CACNA1A: variants seen among roughly 807,000 people sequenced by gnomAD.
CACNA1A encodes voltage-dependent P/Q-type calcium channel subunit alpha-1A.
CACNA1A carries 57 observed loss-of-function variants against 262.4 expected under a neutral mutation model. The ratio of observed to expected loss-of-function variants is 0.22; its 90% CI spans 0.18 to 0.27. The LOEUF (loss-of-function observed/expected upper bound fraction) is 0.27, where lower values mean the gene tolerates loss of function less well. Among genes scored for constraint, CACNA1A ranks in the 10% least tolerant of loss-of-function variants. CACNA1A has a pLI of 1.00. For synonymous variants in CACNA1A, 1,431 were observed against 1,419.3 expected (o/e 1.01, Z -0.18); for missense variants, 2,526 against 3,562.8 (o/e 0.71, Z 7.41).
rs369927027 is a variant in CACNA1A, at chr19:13,286,846, G to A, written c.3210C>T (p.Asn1070=). The A allele has an allele frequency of 4.3e-5, 69 of 1,613,658 alleles. No homozygotes were observed. The highest frequency in any genetic ancestry group is 5.4e-5 in the Non-Finnish European group (64 of 1,179,878). The change falls in exon 20 of 47, where the codon AAC becomes AAT. Residue 1070 remains asparagine (N), a synonymous_variant. Transcript: ENST00000360228. ...CCGACTCCGCGGTGGCCAGCTTGTT[G>A]TTCTTCATGTTGTCAATATCCTCTG... is the stretch of plus-strand genomic sequence containing the variant. ...PLAEDIDNMK[N]NKLATAESAA...
rs867369031 is a variant in CACNA1A, at chr19:13,397,988, A to T, written c.540-26209T>A. Among the ~76,000 whole-genome samples, 5 of 151,910 alleles carry T rather than the reference A, an allele frequency of 3.3e-5. No homozygotes were observed. In the South Asian group the frequency reaches 8.3e-4, roughly 25 times the overall value. ...GAATACATTTTTTTTTTGGCCAGGCACGGTGGCTCACGGCTGTAATCCCAG... is the reference window on the plus strand; with the variant it reads ...GAATACATTTTTTTTTTGGCCAGGCTCGGTGGCTCACGGCTGTAATCCCAG... On this transcript the variant is annotated intron_variant, in intron 3 of 46. Transcript: ENST00000360228.
At chr19:13,454,284 T>C (rs2060965904) in intron 2 of CACNA1A, among the ~76,000 whole-genome samples, 1 of 151,542 alleles carries the variant, frequency 6.6e-6, no homozygotes, top group Non-Finnish European at 1.5e-5. Flanking sequence ...TGAAGCTACC[T>C]AGAAGCTGCC....
chr19:13,466,058 G>A (rs887659691), intron 1 of CACNA1A, among the ~76,000 whole-genome samples: 11 of 152,080 alleles, frequency 7.2e-5, no homozygotes, highest in Non-Finnish European at 1.2e-4. Flanking sequence ...TCTCCTTTAG[G>A]GGTGGTGAAA....
chr19:13,419,084 G>A (rs2144775911), intron 3 of CACNA1A, among the ~76,000 whole-genome samples: 1 of 152,242 alleles, frequency 6.6e-6, no homozygotes, highest in African/African-American at 2.4e-5. Context: ...CAGTAAAGAA[G>A]GAGTTTCGCC....
intron 35 of CACNA1A, among the ~76,000 whole-genome samples, chr19:13,230,833 G>C (rs993364430): frequency 6.6e-6 from 1 of 151,386 alleles, no homozygotes; most frequent in Non-Finnish European, 1.5e-5. Flanking sequence ...GAGAGAGAGA[G>C]ACAAAGACCA....
At chr19:13,484,319 G>T (rs963061194) in intron 1 of CACNA1A, among the ~76,000 whole-genome samples, 1 of 152,106 alleles carries the variant, frequency 6.6e-6, no homozygotes, top group Non-Finnish European at 1.5e-5. Flanking sequence ...AACCCTGGGG[G>T]CCAGGGGCTG....
At chr19:13,450,906 C>T (rs1404865735) in intron 3 of CACNA1A, 1 of 152,188 alleles carries the variant, frequency 6.6e-6, no homozygotes, top group East Asian at 1.9e-4. Flanking sequence ...CCCAAGCAAT[C>T]CTCCCACCTT....
chr19:13,234,208 G>C (rs932667801), intron 34 of CACNA1A, among the ~76,000 whole-genome samples: 2 of 151,058 alleles, frequency 1.3e-5, no homozygotes, highest in African/African-American at 4.9e-5. Flanking sequence ...AAATTATCTG[G>C]GCGTGGTGGC....
At chr19:13,330,222 G>A (rs1360644431) in intron 10 of CACNA1A, 22 bp downstream of exon 10, 4 of 1,502,448 alleles carry the variant, frequency 2.7e-6, no homozygotes, top group African/African-American at 1.4e-5. Flanking sequence ...ACAACTGATA[G>A]GTGGCAGAGG....
chr19:13,207,706 C>T lies in CACNA1A; in HGVS notation c.7128G>A (p.Arg2376=). The T allele has an allele frequency of 1.5e-6, 2 of 1,362,568 alleles. No homozygotes were observed. Among genetic ancestry groups the T allele is most frequent in the Non-Finnish European group, 1.9e-6 (2 of 1,061,438 alleles). The allele number at this position is 1,362,568 out of a possible 1,614,324, so 84.4% of individuals were successfully genotyped here. A position where few individuals can be genotyped will look rare whatever the true frequency, so the allele number is the denominator to read the frequency against. Residue 2376 remains arginine, a synonymous_variant, in exon 47 of 47, where the codon CGG becomes CGA. Coordinates refer to ENST00000360228, the MANE Select transcript of CACNA1A (RefSeq NM_001127222.2). This position sits in a 1 kb window ranked among gnomAD's most constrained non-coding sequence, Gnocchi z 5.7. ...GTCGACAGGCCCTGGGGGACTCGCT[C>T]CGGGCCGGGCCTGGGACCCGCCTCT... ...RMERRVPGPA[R]SESPRACRHG... is the part of the protein sequence containing the mutation.
intron 17 of CACNA1A, among the ~76,000 whole-genome samples, chr19:13,302,837 T>C (rs1473909536): frequency 6.6e-6 from 1 of 152,208 alleles, no homozygotes; most frequent in East Asian, 1.9e-4. Flanking sequence ...AGATGGAGCG[T>C]TGGCAACGTC....
intron 6 of CACNA1A, among the ~76,000 whole-genome samples, chr19:13,340,853 A>C (rs191419132): frequency 6.6e-6 from 1 of 152,314 alleles, no homozygotes; most frequent in Non-Finnish European, 1.5e-5. Context: ...AGATGGAATC[A>C]AGTTAAGATC....
At chr19:13,254,960 C>G (rs2056505203) in intron 29 of CACNA1A, 135 bp downstream of exon 29, 2 of 866,504 alleles carry the variant, frequency 2.3e-6, no homozygotes, top group Admixed American at 2.2e-5. Flanking sequence ...GTAGAGGGAA[C>G]AGCAGGAACA....
intron 16 of CACNA1A, 53 bp downstream of exon 16, chr19:13,303,714 C>T: frequency 1.3e-6 from 2 of 1,565,246 alleles, no homozygotes; most frequent in Non-Finnish European, 8.8e-7. Context: ...CCTGCAACCT[C>T]TCCTCTGCCA....
intron 1 of CACNA1A, among the ~76,000 whole-genome samples, chr19:13,497,697 C>T (rs987517221): frequency 1.3e-5 from 2 of 149,100 alleles, no homozygotes; most frequent in South Asian, 4.3e-4. Flanking sequence ...GAGCCATGAT[C>T]ATGCCACTGC....
At chr19:13,477,315 T>G (rs1054324388) in intron 1 of CACNA1A, among the ~76,000 whole-genome samples, 1 of 152,216 alleles carries the variant, frequency 6.6e-6, no homozygotes, top group Admixed American at 6.5e-5. Context: ...TCTTCTAAAG[T>G]ACTATGCAAC....
At position 13,357,099 on chromosome 19, in the gene CACNA1A, T is replaced by C. The variant is rs113414876; in HGVS notation, c.978+2507A>G. Among the ~76,000 whole-genome samples, 415 of 152,344 alleles carry C rather than the reference T, an allele frequency of 2.7e-3. 4 individuals are homozygous for C. The highest frequency in any genetic ancestry group is 9.6e-3 in the African/African-American group (400 of 41,576). ...GCGCAACTGTTCATGTGGCTCCTTTTGCTGCCTACTCCCAACTAAAACGGG... is the reference window on the plus strand; with the variant it reads ...GCGCAACTGTTCATGTGGCTCCTTTCGCTGCCTACTCCCAACTAAAACGGG... On this transcript the variant is annotated intron_variant, in intron 6 of 46. Transcript: ENST00000360228.
At chr19:13,421,950 A>C (rs182803835) in intron 3 of CACNA1A, among the ~76,000 whole-genome samples, 1 of 152,328 alleles carries the variant, frequency 6.6e-6, no homozygotes, top group East Asian at 1.9e-4. Context: ...GGAAAGAAGA[A>C]GAGTATTTCA....
At chr19:13,367,786 C>G (rs2059243867) in intron 4 of CACNA1A, among the ~76,000 whole-genome samples, 1 of 152,034 alleles carries the variant, frequency 6.6e-6, no homozygotes, top group Admixed American at 6.6e-5. Context: ...GAAGACACAC[C>G]CAACTGGGCA....
Sources: gnomAD v4.1 joint callset for allele counts (sites outside exome capture counted in the v4.1 genomes callset) on GRCh38, gnomAD v4.1.1 for gene constraint, Gnocchi (gnomAD v3.1) non-coding constraint, MANE v1.5 for transcripts, NCBI Gene and HGNC (gene_info 2026-07-23, HGNC 2026-07-21) for gene names.